Variants in RGS12 observed in about 807,000 individuals in gnomAD.
RGS12 encodes regulator of G-protein signaling 12.
In RGS12, 66 loss-of-function variants were observed where a neutral mutation model predicts 120.1. The observed-to-expected ratio is 0.55, with a 90% confidence interval of 0.45 to 0.67. The LOEUF is 0.67. Ranked by LOEUF, RGS12 falls within the 30% of genes least tolerant of loss-of-function variation. The probability of loss-of-function intolerance (pLI) is 0.00; values close to 1 mark genes in which losing one functional copy is unlikely to be tolerated. For synonymous variants in RGS12, 827 were observed against 804.7 expected (o/e 1.03, Z -0.47); for missense variants, 1,859 against 1,957.7 (o/e 0.95, Z 0.95).
intron 4 of RGS12, among the ~76,000 whole-genome samples, chr4:3,401,266 A>T (rs1720551137): frequency 6.6e-6 from 1 of 152,242 alleles, no homozygotes; most frequent in South Asian, 2.1e-4. Flanking sequence ...TGATAAGCCC[A>T]ATAGGGATTT....
intron 3 of RGS12, among the ~76,000 whole-genome samples, chr4:3,355,760 A>C (rs1578803402): frequency 7.2e-6 from 1 of 139,726 alleles, no homozygotes. Flanking sequence ...GTGCCGCTGC[A>C]TTCTAGGCTG....
chr4:3,289,455 C>A (rs1040699460), upstream of RGS12, among the ~76,000 whole-genome samples: 7 of 152,202 alleles, frequency 4.6e-5, no homozygotes, highest in Admixed American at 4.6e-4. Flanking sequence ...CCACCTACCT[C>A]AGCCTTCCAA....
chr4:3,425,496 C>G lies in RGS12; in HGVS notation c.3267C>G (p.Ala1089=), dbSNP rs1358547875. Residue 1089 remains alanine, a synonymous_variant, in exon 14 of 18, where the codon GCC becomes GCG. Coordinates refer to ENST00000336727, the MANE Select transcript of RGS12 (RefSeq NM_001394154.1). ...AGAAGGAGCCCCTGGACCTTGGCGC[C>G]CCTATATCGAGTCTGGACGGACAGC... is the stretch of plus-strand genomic sequence containing the variant. ...SGEKEPLDLG[A]PISSLDGQRV... The G allele has an allele frequency of 6.2e-7, 1 of 1,612,170 alleles. No individual in the cohort carries two copies. Among genetic ancestry groups the G allele is most frequent in the East Asian group, 2.2e-5 (1 of 44,794 alleles).
chr4:3,408,608 C>T (rs561332957), intron 4 of RGS12, among the ~76,000 whole-genome samples: 5 of 152,322 alleles, frequency 3.3e-5, no homozygotes, highest in South Asian at 2.1e-4. Flanking sequence ...CTTTGCGAAT[C>T]GCTGGACTCA....
intron 2 of RGS12, among the ~76,000 whole-genome samples, chr4:3,319,401 A>T (rs529909836): frequency 1.0e-3 from 154 of 151,872 alleles, no homozygotes; most frequent in African/African-American, 3.3e-3. Flanking sequence ...TTTTTTTTTT[A>T]AAACACTTGT....
At position 3,317,819 on chromosome 4, in the gene RGS12, A is replaced by C; in HGVS notation, c.1649A>C (p.His550Pro). ...VHVLREWQCGHTSDQDSYTDS... is the reference protein window; with the variant it reads ...VHVLREWQCGPTSDQDSYTDS... The stretch of plus-strand genomic sequence containing the variant: ...GTGCTCCGGGAGTGGCAGTGCGGAC[A>C]CACCAGCGACCAGGACTCTTACACA... Residue 550 changes from histidine to proline, a missense_variant, in exon 2 of 18, where the codon CAC (histidine) becomes CCC (proline). This residue lies in a region of RGS12 where 967 missense variants were observed against 994.2 expected (regional missense o/e 0.97). Coordinates refer to ENST00000336727, the MANE Select transcript of RGS12 (RefSeq NM_001394154.1). 6.2e-7 allele frequency: 1 copy of C among 1,613,152 alleles called. No homozygotes were observed. The highest frequency in any genetic ancestry group is 1.1e-5 in the South Asian group (1 of 91,064).
intron 2 of RGS12, among the ~76,000 whole-genome samples, chr4:3,328,728 C>T (rs1711519424): frequency 6.6e-6 from 1 of 152,196 alleles, no homozygotes; most frequent in Non-Finnish European, 1.5e-5. Flanking sequence ...TGAGATTTCT[C>T]TTACTCTAGG....
In RGS12 at chr4:3,422,632, C is replaced by CCAGAA. The variant is rs549109491; in HGVS notation, c.3033+65_3033+66insAACAG. On this transcript the variant is annotated intron_variant, in intron 11 of 17. Transcript: ENST00000336727. ...CCATGACCTCCCCGCTCCCTGGCCC[C>CCAGAA]CAGCTTTGTCAGAGTCCTCAGGCTG... The CCAGAA allele has an allele frequency of 7.3e-4, 1,120 of 1,531,364 alleles. 5 individuals are homozygous for CCAGAA. The highest frequency in any genetic ancestry group is 7.2e-3 in the South Asian group (599 of 83,368). 94.9% of individuals were successfully genotyped at this position (1,531,364 alleles called of 1,614,324 possible).
At chr4:3,434,323 A>G (rs572621349) in intron 17 of RGS12, among the ~76,000 whole-genome samples, 2 of 152,060 alleles carry the variant, frequency 1.3e-5, no homozygotes, top group Non-Finnish European at 2.9e-5. Flanking sequence ...ACCTGGTCCC[A>G]CCCTTGATAC....
chr4:3,317,325 C>A lies in RGS12; in HGVS notation c.1155C>A (p.Phe385Leu), dbSNP rs771329781. ...FPASSLPVLQ[F>L]ISVLYRDMGE... ...CGTCCTCCCTCCCCGTCCTGCAGTTCATCTCTGTCCTGTACCGAGACATGG... is the reference window on the plus strand; with the variant it reads ...CGTCCTCCCTCCCCGTCCTGCAGTTAATCTCTGTCCTGTACCGAGACATGG... The change falls in exon 2 of 18, where the codon TTC (phenylalanine) becomes TTA (leucine). Residue 385 changes from phenylalanine (F) to leucine (L), a missense_variant. Around this residue, in one of 3 missense-constraint regions of RGS12, gnomAD observed 967 missense variants for 994.2 expected, o/e 0.97. Transcript: ENST00000336727. 3.7e-6 allele frequency: 6 copies of A among 1,614,136 alleles called. No individual in the cohort carries two copies. The highest frequency in any genetic ancestry group is 5.1e-6 in the Non-Finnish European group (6 of 1,180,036).
At chr4:3,350,859 A>G (rs931067081) in intron 3 of RGS12, among the ~76,000 whole-genome samples, 12 of 152,254 alleles carry the variant, frequency 7.9e-5, no homozygotes, top group African/African-American at 2.4e-4. Flanking sequence ...GTAACATACA[A>G]TATGTATAAA....
intron 1 of RGS12, among the ~76,000 whole-genome samples, chr4:3,309,968 G>T (rs1264927985): frequency 6.8e-6 from 1 of 146,954 alleles, no homozygotes; most frequent in East Asian, 2.1e-4. Flanking sequence ...CAGGGGAGGA[G>T]CTGGGACCCG....
intron 1 of RGS12, among the ~76,000 whole-genome samples, chr4:3,305,912 G>A (rs1352367160): frequency 1.3e-5 from 2 of 152,204 alleles, no homozygotes; most frequent in Non-Finnish European, 2.9e-5. Context: ...TAGGATTTCC[G>A]GGTCCAGCAC....
At chr4:3,417,195 G>A (rs1722501719) in intron 8 of RGS12, 103 bp downstream of exon 8, 4 of 1,362,310 alleles carry the variant, frequency 2.9e-6, no homozygotes, top group Non-Finnish European at 3.9e-6. Context: ...GTCTTCACCA[G>A]TGGTGGGTGA....
At chr4:3,335,062 G>A (rs1169803828) in intron 2 of RGS12, among the ~76,000 whole-genome samples, 1 of 152,140 alleles carries the variant, frequency 6.6e-6, no homozygotes, top group Non-Finnish European at 1.5e-5. Flanking sequence ...TGTCGTTAAA[G>A]GTTCTAGTCC....
chr4:3,362,917 A>G (rs1261900881), intron 3 of RGS12, among the ~76,000 whole-genome samples: 1 of 133,930 alleles, frequency 7.5e-6, no homozygotes, highest in Admixed American at 7.5e-5. Context: ...GTGCATGGCA[A>G]GGCCATTTGG....
At chr4:3,344,175 G>A (rs899659555) in intron 3 of RGS12, among the ~76,000 whole-genome samples, 1 of 152,204 alleles carries the variant, frequency 6.6e-6, no homozygotes, top group Non-Finnish European at 1.5e-5. Context: ...TGGCTTCAGG[G>A]ATGGCAGGGG....
In RGS12 at chr4:3,414,126, A is replaced by T; in HGVS notation, c.2075A>T (p.Asn692Ile). The change falls in exon 5 of 18, where the codon AAT (asparagine) becomes ATT (isoleucine). Residue 692 changes from asparagine to isoleucine, a missense_variant. By Grantham distance (149) the Asn-to-Ile change is moderately radical (BLOSUM62 -3). This residue lies in a region of RGS12 where 967 missense variants were observed against 994.2 expected (regional missense o/e 0.97). Coordinates refer to ENST00000336727, the MANE Select transcript of RGS12 (RefSeq NM_001394154.1). Reference protein sequence around the residue: ...DCVSNNSLSSNASLPSVQSCR... With the variant: ...DCVSNNSLSSIASLPSVQSCR... ...GTCAGCAACAACAGCCTGAGCAGCA[A>T]TGCCAGCCTCCCCAGCGTGCAGAGC... 6.4e-7 allele frequency: 1 copy of T among 1,572,328 alleles called. No homozygotes were observed. The highest frequency in any genetic ancestry group is 8.6e-7 in the Non-Finnish European group (1 of 1,165,686).
At chr4:3,414,268 C>T (rs780097955) in intron 5 of RGS12, 27 bp downstream of exon 5, 28 of 1,518,424 alleles carry the variant, frequency 1.8e-5, no homozygotes, top group Middle Eastern at 1.7e-4. Flanking sequence ...CCAGGAGCAG[C>T]GGAGCGGTCT....
Sources: allele counts gnomAD v4.1 joint callset (sites outside exome capture counted in the v4.1 genomes callset), GRCh38; gene constraint gnomAD v4.1.1; regional missense constraint gnomAD v4.1.1; transcripts MANE v1.5; gene names NCBI Gene and HGNC (gene_info 2026-07-23, HGNC 2026-07-21).